Variants in ABCA13 observed in about 807,000 individuals in gnomAD.
ABCA13 encodes the protein ATP binding cassette subfamily A member 13.
In ABCA13, 476 loss-of-function variants were observed where a neutral mutation model predicts 478.7. The observed-to-expected ratio is 0.99, with a 90% CI of 0.92 to 1.07. The LOEUF is 1.07. ABCA13 is among the 50% of genes least tolerant of loss of function. The probability of loss-of-function intolerance (pLI) is 0.00; values close to 1 mark genes in which losing one functional copy is unlikely to be tolerated. For synonymous variants in ABCA13, 2,252 were observed against 2,158.9 expected, an observed-to-expected ratio of 1.04 and a Z score of -1.20; for missense variants, 6,060 against 5,910.6, an observed-to-expected ratio of 1.03 and a Z score of -0.83.
chr7:48,510,418 C>A (rs1563372335), intron 50 of ABCA13, among the ~76,000 whole-genome samples: 1 of 152,084 alleles, frequency 6.6e-6, no homozygotes, highest in Non-Finnish European at 1.5e-5. Flanking sequence ...GCAGGGAGCA[C>A]CTTAAGGTGA....
Position 48,392,110 on chromosome 7 carries a change from C to G in ABCA13, c.11844C>G (p.Thr3948=). Reference sequence around the variant, plus strand: ...CTTCCATAAAGGCGCCTCAGTGGACCAAGAAGGAGCTGCATCAGCAAGTCA... The same window carrying G: ...CTTCCATAAAGGCGCCTCAGTGGACGAAGAAGGAGCTGCATCAGCAAGTCA... ...LFASIKAPQW[T]KKELHQQVNQ... is the part of the protein sequence containing the mutation. The change falls in exon 38 of 62, where the codon ACC becomes ACG. Residue 3948 remains threonine, a synonymous_variant. Coordinates refer to ENST00000435803, the MANE Select transcript of ABCA13 (RefSeq NM_152701.5). 1 of 1,613,862 alleles carries G rather than the reference C, an allele frequency of 6.2e-7. No individual in the cohort carries two copies. Among genetic ancestry groups the G allele is most frequent in the Non-Finnish European group, 8.5e-7 (1 of 1,179,862 alleles).
At chr7:48,398,790 A>G (rs1036496869) in intron 38 of ABCA13, among the ~76,000 whole-genome samples, 1 of 152,160 alleles carries the variant, frequency 6.6e-6, no homozygotes, top group Non-Finnish European at 1.5e-5. Context: ...GCATAAGTGA[A>G]GGAAGATTAG....
intron 56 of ABCA13, among the ~76,000 whole-genome samples, chr7:48,586,132 G>T (rs569320777): frequency 2.4e-4 from 37 of 152,262 alleles, no homozygotes; most frequent in African/African-American, 8.7e-4. Context: ...AGGCAGGGAA[G>T]AAGAAAGAAG....
intron 55 of ABCA13, among the ~76,000 whole-genome samples, chr7:48,533,941 T>C (rs1833404280): frequency 6.6e-6 from 1 of 152,178 alleles, no homozygotes; most frequent in African/African-American, 2.4e-5. Flanking sequence ...GATGAATTCT[T>C]CTCTATTCTG....
chr7:48,215,583 G>A (rs750342226), intron 3 of ABCA13, among the ~76,000 whole-genome samples: 1 of 152,116 alleles, frequency 6.6e-6, no homozygotes, highest in East Asian at 1.9e-4. Flanking sequence ...GAAAAATACA[G>A]TATCTGTGAA....
intron 51 of ABCA13, among the ~76,000 whole-genome samples, chr7:48,516,450 T>C (rs1360918689): frequency 6.6e-6 from 1 of 152,122 alleles, no homozygotes; most frequent in Non-Finnish European, 1.5e-5. Flanking sequence ...TTTGTTTTAC[T>C]AGATGGCCCC....
chr7:48,406,867 C>T lies in ABCA13; in HGVS notation c.12070+2988C>T, dbSNP rs570266223. Among the ~76,000 whole-genome samples the T allele has an allele frequency of 6.6e-5, 10 of 151,210 alleles. 1 individual carries two copies. In the South Asian group the frequency reaches 1.9e-3, roughly 28 times the overall value. Reference sequence around the variant, plus strand: ...CAGCCTGGGTGACAGAGCAAGGCTCCATCTCAAAAAATAAATAAATAAATA... The same window carrying T: ...CAGCCTGGGTGACAGAGCAAGGCTCTATCTCAAAAAATAAATAAATAAATA... On this transcript the variant is annotated intron_variant, in intron 39 of 61. Transcript: ENST00000435803.
At chr7:48,591,657 A>T (rs901708633) in intron 57 of ABCA13, among the ~76,000 whole-genome samples, 1 of 151,954 alleles carries the variant, frequency 6.6e-6, no homozygotes, top group Non-Finnish European at 1.5e-5. Context: ...TCAAAATGTT[A>T]TAGTTTTCAG....
intron 3 of ABCA13, among the ~76,000 whole-genome samples, chr7:48,211,569 A>C (rs1413579819): frequency 6.6e-6 from 1 of 151,980 alleles, no homozygotes; most frequent in Non-Finnish European, 1.5e-5. Flanking sequence ...CCTGAAGCTC[A>C]TGTTCTTCCT....
At chr7:48,598,176 A>G (rs903915918) in intron 58 of ABCA13, among the ~76,000 whole-genome samples, 1 of 152,172 alleles carries the variant, frequency 6.6e-6, no homozygotes, top group African/African-American at 2.4e-5. Context: ...CCACAATGCC[A>G]TATAGTTGGA....
chr7:48,221,619 G>T (rs1476258262), intron 5 of ABCA13, among the ~76,000 whole-genome samples: 16 of 152,214 alleles, frequency 1.1e-4, no homozygotes, highest in African/African-American at 3.6e-4. Flanking sequence ...GATGGTCTGA[G>T]ATTTGTGCTT....
intron 1 of ABCA13, among the ~76,000 whole-genome samples, chr7:48,187,871 G>C (rs1796574052): frequency 6.6e-6 from 1 of 151,926 alleles, no homozygotes; most frequent in Non-Finnish European, 1.5e-5. Flanking sequence ...TTCTTTTCCA[G>C]GCATGCTTTA....
At chr7:48,516,088 A>G (rs1832085409) in intron 51 of ABCA13, among the ~76,000 whole-genome samples, 1 of 152,154 alleles carries the variant, frequency 6.6e-6, no homozygotes, top group East Asian at 1.9e-4. Flanking sequence ...TGTATTATGT[A>G]AAGTTCATTT....
intron 1 of ABCA13, among the ~76,000 whole-genome samples, chr7:48,183,988 G>A (rs1400496104): frequency 6.6e-6 from 1 of 152,108 alleles, no homozygotes. Context: ...GAATTAATAT[G>A]GTTCAATTTA....
chr7:48,175,318 T>A (rs959233327), intron 1 of ABCA13, among the ~76,000 whole-genome samples: 4 of 152,226 alleles, frequency 2.6e-5, no homozygotes, highest in Non-Finnish European at 5.9e-5. Flanking sequence ...TGTATGGTGA[T>A]CAGATCAGGG....
chr7:48,463,063 C>A (rs1166105621), intron 43 of ABCA13, among the ~76,000 whole-genome samples: 1 of 152,108 alleles, frequency 6.6e-6, no homozygotes, highest in Non-Finnish European at 1.5e-5. Flanking sequence ...CTTCAGGAAA[C>A]CATTCTTCTT....
intron 42 of ABCA13, among the ~76,000 whole-genome samples, chr7:48,430,949 C>T (rs1412812076): frequency 6.6e-6 from 1 of 152,094 alleles, no homozygotes. Context: ...AATTTGAGAT[C>T]TGTTTTTTAT....
In ABCA13 at chr7:48,239,331, G is replaced by A. The variant is rs1204133076; in HGVS notation, c.988G>A (p.Gly330Ser). 6.2e-7 allele frequency: 1 copy of A among 1,613,858 alleles called. No individual in the cohort carries two copies. The highest frequency in any genetic ancestry group is 8.5e-7 in the Non-Finnish European group (1 of 1,179,868). The change falls in exon 9 of 62, where the codon GGC (glycine) becomes AGC (serine). Residue 330 changes from glycine to serine, a missense_variant. Physicochemically the swap from Gly to Ser is moderately conservative, Grantham distance 56 (BLOSUM62 0). Transcript: ENST00000435803. Reference protein sequence around the residue: ...DEAEKWGHVGGCHPKWSEAKN... With the variant: ...DEAEKWGHVGSCHPKWSEAKN... ...AGCTGAGAAATGGGGCCACGTTGGAGGCTGCCACCCTAAGTGGTCAGAAGC... is the reference window on the plus strand; with the variant it reads ...AGCTGAGAAATGGGGCCACGTTGGAAGCTGCCACCCTAAGTGGTCAGAAGC...
chr7:48,340,477 A>G (rs1806980218), intron 29 of ABCA13, among the ~76,000 whole-genome samples: 1 of 152,254 alleles, frequency 6.6e-6, no homozygotes, highest in African/African-American at 2.4e-5. Context: ...TAGAAACATT[A>G]GAAAATACAA....
Sources: allele counts gnomAD v4.1 joint callset (sites outside exome capture counted in the v4.1 genomes callset), GRCh38; gene constraint gnomAD v4.1.1; transcripts MANE v1.5; gene names NCBI Gene and HGNC (gene_info 2026-07-23, HGNC 2026-07-21).